NRXN3: variants seen among roughly 807,000 people sequenced by gnomAD.
NRXN3 encodes neurexin III.
A neutral mutation model predicts 137.6 loss-of-function variants in NRXN3; 32 were observed. The ratio of observed to expected loss-of-function variants is 0.23; its 90% CI spans 0.18 to 0.31. NRXN3 has a LOEUF of 0.31. Ranked by LOEUF, NRXN3 falls within the 10% of genes least tolerant of loss-of-function variation. NRXN3 has a pLI of 1.00. For missense variants in NRXN3, 1,574 were observed against 2,062.5 expected, an observed-to-expected ratio of 0.76 and a Z score of 4.59; for synonymous variants, 798 against 784.5, an observed-to-expected ratio of 1.02 and a Z score of -0.29.
chr14:78,824,103 C>CTTTTTTTTTTTTTTTTTTTTTTT (rs11387026), intron 10 of NRXN3, among the ~76,000 whole-genome samples: 1 of 98,928 alleles, frequency 1.0e-5, no homozygotes, highest in Non-Finnish European at 1.9e-5. Flanking sequence ...TCACCTGCTT[C>CTTTTTTTTTTTTTTTTTTTTTTT]TTTTTTTTTT....
chr14:79,649,798 A>T (rs748166254), intron 16 of NRXN3, among the ~76,000 whole-genome samples: 10 of 152,202 alleles, frequency 6.6e-5, no homozygotes, highest in Non-Finnish European at 1.3e-4. Flanking sequence ...TCTCAACTGC[A>T]TCCACTTAAA....
rs181914051 is a variant in NRXN3 at position 78,642,120 on chromosome 14, T to A, written c.758-3000T>A. 2.0e-5 allele frequency among the ~76,000 whole-genome samples: 3 copies of A among 152,294 alleles called. No homozygotes were observed. In the East Asian group the frequency reaches 5.8e-4, roughly 29 times the overall value. On this transcript the variant is annotated intron_variant, in intron 4 of 20. Coordinates refer to ENST00000335750, the MANE Select transcript of NRXN3 (RefSeq NM_001330195.2). ...CAGTTCCATGGAATCATCTGTGGCCTTTGACAAGACAAGTAGGAGCATCTG... is the reference window on the plus strand; with the variant it reads ...CAGTTCCATGGAATCATCTGTGGCCATTGACAAGACAAGTAGGAGCATCTG...
intron 10 of NRXN3, among the ~76,000 whole-genome samples, chr14:78,898,790 T>G (rs565770322): frequency 6.6e-6 from 1 of 152,154 alleles, no homozygotes; most frequent in Non-Finnish European, 1.5e-5. Context: ...CTTGGCCTAT[T>G]CATTTATCCT....
intron 4 of NRXN3, among the ~76,000 whole-genome samples, chr14:78,457,301 G>C (rs1427286978): frequency 1.3e-5 from 2 of 152,116 alleles, no homozygotes; most frequent in Non-Finnish European, 2.9e-5. Flanking sequence ...CAAAGTGCTG[G>C]GATTATAGGC....
intron 16 of NRXN3, among the ~76,000 whole-genome samples, chr14:79,604,547 T>A (rs956056820): frequency 2.0e-5 from 3 of 151,614 alleles, no homozygotes; most frequent in Admixed American, 1.3e-4. Context: ...TTTTTTTTTT[T>A]AATCCTTCTA....
intron 1 of NRXN3, among the ~76,000 whole-genome samples, chr14:78,182,270 GATAC>G (rs776938355): frequency 7.7e-4 from 117 of 152,072 alleles, no homozygotes; most frequent in Non-Finnish European, 7.2e-4. Flanking sequence ...AGAGGGAACT[GATAC>G]ATGGAAAGGT....
chr14:79,327,315 C>A (rs957765812), intron 15 of NRXN3, among the ~76,000 whole-genome samples: 1 of 152,146 alleles, frequency 6.6e-6, no homozygotes, highest in Non-Finnish European at 1.5e-5. Flanking sequence ...TTCCTTGTAA[C>A]CCCCTATAGA....
intron 15 of NRXN3, among the ~76,000 whole-genome samples, chr14:79,213,392 T>C (rs886353314): frequency 6.6e-6 from 1 of 152,148 alleles, no homozygotes; most frequent in Admixed American, 6.6e-5. Flanking sequence ...TTTGTCATGC[T>C]CATGAAATCA....
At chr14:78,825,417 T>C (rs1459155805) in intron 10 of NRXN3, among the ~76,000 whole-genome samples, 1 of 152,070 alleles carries the variant, frequency 6.6e-6, no homozygotes, top group Non-Finnish European at 1.5e-5. Context: ...TATTAATTAG[T>C]TTTTGGTTTT....
chr14:79,835,464 CTAAA>C lies in NRXN3; in HGVS notation c.4094-25875_4094-25872del, dbSNP rs935735711. ...TGATATATAAGAATAATATTTCTCTCTAAATAGTTATTTCTTTAACTTTGAAATA... is the reference window on the plus strand; with the variant it reads ...TGATATATAAGAATAATATTTCTCTCTAGTTATTTCTTTAACTTTGAAATA... On this transcript the variant is annotated intron_variant, in intron 20 of 20. Coordinates refer to ENST00000335750, the MANE Select transcript of NRXN3 (RefSeq NM_001330195.2). Among the ~76,000 whole-genome samples the C allele has an allele frequency of 3.9e-5, 6 of 152,152 alleles. No homozygotes were observed. The East Asian group carries it at 9.6e-4, about 24-fold the overall frequency.
At chr14:78,982,725 A>G (rs2099492581) in intron 14 of NRXN3, among the ~76,000 whole-genome samples, 1 of 152,182 alleles carries the variant, frequency 6.6e-6, no homozygotes, top group African/African-American at 2.4e-5. Flanking sequence ...GCTCCATTGC[A>G]TTGTTTCTGG....
chr14:78,539,290 G>C (rs554339315), intron 4 of NRXN3, among the ~76,000 whole-genome samples: 127 of 152,326 alleles, frequency 8.3e-4, no homozygotes, highest in African/African-American at 2.9e-3. Flanking sequence ...CTCAATTTCA[G>C]AGCCTGTTAT....
chr14:78,761,150 G>A (rs534170524), intron 8 of NRXN3, among the ~76,000 whole-genome samples: 3 of 152,068 alleles, frequency 2.0e-5, no homozygotes, highest in South Asian at 2.1e-4. Context: ...AGAAAAAGAC[G>A]GAAATGAATC....
chr14:78,513,948 T>C (rs1475797106), intron 4 of NRXN3, among the ~76,000 whole-genome samples: 4 of 152,158 alleles, frequency 2.6e-5, no homozygotes, highest in Non-Finnish European at 4.4e-5. Flanking sequence ...TCTTAAGGCA[T>C]GTTGTGTTCT....
intron 15 of NRXN3, among the ~76,000 whole-genome samples, chr14:79,110,453 G>A (rs1338893501): frequency 2.0e-5 from 3 of 152,346 alleles, no homozygotes; most frequent in Admixed American, 6.5e-5. Flanking sequence ...ACTAGGATGT[G>A]AGTTCCATGA....
intron 15 of NRXN3, among the ~76,000 whole-genome samples, chr14:79,431,213 G>A (rs916718769): frequency 3.3e-5 from 5 of 152,172 alleles, no homozygotes; most frequent in Admixed American, 3.3e-4. Flanking sequence ...AGTCTGAGAA[G>A]CAAATACCTG....
intron 8 of NRXN3, among the ~76,000 whole-genome samples, chr14:78,760,202 C>G (rs2098687721): frequency 6.6e-6 from 1 of 151,336 alleles, no homozygotes; most frequent in African/African-American, 2.4e-5. Context: ...ACCACCACAC[C>G]TGGCTAATTT....
At chr14:78,428,930 G>A (rs1468743576) in intron 4 of NRXN3, among the ~76,000 whole-genome samples, 1 of 152,076 alleles carries the variant, frequency 6.6e-6, no homozygotes. Context: ...GTTTGTTCAA[G>A]TATCTGGGTA....
At chr14:78,411,041 A>G (rs1378131632) in intron 4 of NRXN3, among the ~76,000 whole-genome samples, 2 of 152,204 alleles carry the variant, frequency 1.3e-5, no homozygotes, top group East Asian at 1.9e-4. Flanking sequence ...TAATAGGAAG[A>G]CCAAGTTCAT....
Sources: allele counts gnomAD v4.1 joint callset (sites outside exome capture counted in the v4.1 genomes callset), GRCh38; gene constraint gnomAD v4.1.1; transcripts MANE v1.5; gene names NCBI Gene and HGNC (gene_info 2026-07-23, HGNC 2026-07-21).